The following GTF2E2 variants were observed in gnomAD, a reference collection of about 807,000 sequenced individuals.
GTF2E2 encodes the protein transcription initiation factor IIE subunit beta.
GTF2E2 carries 21 observed loss-of-function variants against 40.5 expected under a neutral mutation model. That is an observed-to-expected ratio of 0.52 (90% confidence interval 0.37 to 0.75). GTF2E2 has a LOEUF of 0.75. Ranked by LOEUF, GTF2E2 falls within the 30% of genes least tolerant of loss-of-function variation. The pLI is 0.00. For missense variants in GTF2E2, 298 were observed against 338.4 expected (o/e 0.88, Z 0.94); for synonymous variants, 117 against 121.6 (o/e 0.96, Z 0.25).
intron 2 of GTF2E2, among the ~76,000 whole-genome samples, chr8:30,642,537 A>T (rs1363502376): frequency 3.9e-5 from 6 of 152,214 alleles, no homozygotes; most frequent in Admixed American, 2.6e-4. Context: ...GGTACAGGTT[A>T]AGAAGCCTCA....
intron 6 of GTF2E2, among the ~76,000 whole-genome samples, chr8:30,602,825 C>T (rs892421291): frequency 2.0e-5 from 3 of 151,716 alleles, no homozygotes; most frequent in African/African-American, 7.3e-5. Flanking sequence ...AAACTAAAGT[C>T]CTTCCCACAA....
intron 3 of GTF2E2, among the ~76,000 whole-genome samples, chr8:30,620,253 CACACAA>C (rs1304614191): frequency 1.3e-5 from 2 of 151,626 alleles, no homozygotes; most frequent in African/African-American, 4.9e-5. Context: ...CACACACACA[CACACAA>C]ACACACACAC....
chr8:30,580,477 T>C, intron 6 of GTF2E2, 81 bp from the exon 7 acceptor site: 1 of 803,796 alleles, frequency 1.2e-6, no homozygotes, highest in Non-Finnish European at 2.2e-6. Context: ...GTTTCAGTGT[T>C]ATCTCCTCTG....
At chr8:30,635,343 C>A (rs1019318220) in intron 2 of GTF2E2, among the ~76,000 whole-genome samples, 1 of 151,948 alleles carries the variant, frequency 6.6e-6, no homozygotes, top group African/African-American at 2.4e-5. Flanking sequence ...ACTTAAAACA[C>A]CAAACCACAA....
chr8:30,633,782 C>A (rs989600906), intron 3 of GTF2E2, among the ~76,000 whole-genome samples: 3 of 152,156 alleles, frequency 2.0e-5, no homozygotes, highest in African/African-American at 7.2e-5. Flanking sequence ...AACTGCTTAC[C>A]ATGTGGGGGA....
At position 30,650,186 on chromosome 8, in the gene GTF2E2, G is replaced by A. The variant is rs538494711; in HGVS notation, c.166+3247C>T. ...GAATAGAGATGCAAAAATCCTGACCGAAATACCAGCAAATTGAGTACCACA... is the reference window on the plus strand; with the variant it reads ...GAATAGAGATGCAAAAATCCTGACCAAAATACCAGCAAATTGAGTACCACA... On this transcript the variant is annotated intron_variant, in intron 2 of 7. Transcript: ENST00000355904. Among the ~76,000 whole-genome samples, 7 of 152,168 alleles carry A rather than the reference G, an allele frequency of 4.6e-5. 2 individuals carry two copies. Among genetic ancestry groups the A allele is most frequent in the African/African-American group, 1.7e-4 (7 of 41,506 alleles).
At chr8:30,608,874 G>A (rs1018265935) in intron 5 of GTF2E2, among the ~76,000 whole-genome samples, 2 of 152,096 alleles carry the variant, frequency 1.3e-5, no homozygotes, top group Admixed American at 6.5e-5. Flanking sequence ...TCAGCCTCCC[G>A]AGTAGCTGGG....
intron 6 of GTF2E2, among the ~76,000 whole-genome samples, chr8:30,590,694 C>CTG (rs1427509494): frequency 5.5e-5 from 8 of 145,726 alleles, no homozygotes; most frequent in Admixed American, 1.4e-4. Context: ...AAATCAAAAA[C>CTG]TTTTTTTTTT....
At chr8:30,649,395 G>A (rs546813814) in intron 2 of GTF2E2, among the ~76,000 whole-genome samples, 89 of 151,834 alleles carry the variant, frequency 5.9e-4, no homozygotes, top group African/African-American at 2.1e-3. Context: ...AAATACTGAT[G>A]TGGAAATAAA....
intron 6 of GTF2E2, among the ~76,000 whole-genome samples, chr8:30,588,597 G>C (rs961191494): frequency 6.6e-6 from 1 of 152,130 alleles, no homozygotes; most frequent in African/African-American, 2.4e-5. Context: ...TTGGTCCAAA[G>C]AAAAAGGAAT....
At chr8:30,631,152 C>G (rs551473165) in intron 3 of GTF2E2, among the ~76,000 whole-genome samples, 1 of 152,188 alleles carries the variant, frequency 6.6e-6, no homozygotes, top group African/African-American at 2.4e-5. Context: ...TCTAAAGTAG[C>G]TGCGGTTACA....
chr8:30,584,495 T>C (rs1467883053), intron 6 of GTF2E2: 2 of 152,180 alleles, frequency 1.3e-5, no homozygotes, highest in Admixed American at 6.5e-5. Flanking sequence ...CTCTAAACCG[T>C]AAGGGTAAAT....
At chr8:30,582,194 TG>T (rs1445964204) in intron 6 of GTF2E2, among the ~76,000 whole-genome samples, 1 of 151,264 alleles carries the variant, frequency 6.6e-6, no homozygotes, top group African/African-American at 2.4e-5. Flanking sequence ...TCTGGGGGGG[TG>T]GGGGGTTGTG....
At chr8:30,633,509 T>C (rs1385429709) in intron 3 of GTF2E2, among the ~76,000 whole-genome samples, 2 of 152,166 alleles carry the variant, frequency 1.3e-5, no homozygotes, top group Non-Finnish European at 2.9e-5. Flanking sequence ...GCTAACAGAG[T>C]GTAGTTATCA....
chr8:30,615,552 AGTAAAT>A (rs1414595859), intron 3 of GTF2E2, among the ~76,000 whole-genome samples: 2 of 152,212 alleles, frequency 1.3e-5, no homozygotes, highest in Admixed American at 6.5e-5. Flanking sequence ...ATGTTCACAA[AGTAAAT>A]GTAAAAGTTC....
At chr8:30,594,876 A>G (rs1828956152) in intron 6 of GTF2E2, among the ~76,000 whole-genome samples, 1 of 151,364 alleles carries the variant, frequency 6.6e-6, no homozygotes. Context: ...AAAAAAAAGT[A>G]TATACTAGAG....
chr8:30,604,889 G>A (rs921166040), intron 6 of GTF2E2, among the ~76,000 whole-genome samples: 1 of 152,176 alleles, frequency 6.6e-6, no homozygotes, highest in Non-Finnish European at 1.5e-5. Context: ...GTAATATTAA[G>A]GAAGTATAGA....
At chr8:30,584,008 G>A (rs958189926) in intron 6 of GTF2E2, among the ~76,000 whole-genome samples, 1 of 150,534 alleles carries the variant, frequency 6.6e-6, no homozygotes, top group African/African-American at 2.5e-5. Flanking sequence ...GGGTTTCACC[G>A]TGTTATCCAG....
intron 5 of GTF2E2, among the ~76,000 whole-genome samples, chr8:30,607,605 T>C (rs1300215866): frequency 6.6e-6 from 1 of 152,214 alleles, no homozygotes; most frequent in Non-Finnish European, 1.5e-5. Context: ...TGAGTTTCTT[T>C]CTTGAGTAGT....
Sources: allele counts gnomAD v4.1 joint callset (sites outside exome capture counted in the v4.1 genomes callset), GRCh38; gene constraint gnomAD v4.1.1; transcripts MANE v1.5; gene names NCBI Gene and HGNC (gene_info 2026-07-23, HGNC 2026-07-21).